The following NUFIP2 variants were observed in gnomAD, a reference collection of about 807,000 sequenced individuals.
NUFIP2 encodes the protein FMR1-interacting protein NUFIP2.
NUFIP2 carries 6 observed loss-of-function variants against 56.9 expected under a neutral mutation model. That is an observed-to-expected ratio of 0.11 (90% CI 0.06 to 0.21). The LOEUF (loss-of-function observed/expected upper bound fraction) is 0.21. NUFIP2 is among the 10% of genes least tolerant of loss of function. NUFIP2 has a pLI of 1.00. For missense variants in NUFIP2, 828 were observed against 826.8 expected (o/e 1.00, Z -0.02); for synonymous variants, 321 against 298.2 (o/e 1.08, Z -0.79).
chr17:29,293,460 C>T (rs2069231104), intron 1 of NUFIP2, among the ~76,000 whole-genome samples: 1 of 152,084 alleles, frequency 6.6e-6, no homozygotes. Flanking sequence ...GAGGTAACTC[C>T]AGGGACGCAG....
chr17:29,272,500 G>T (rs901803675), intron 2 of NUFIP2, among the ~76,000 whole-genome samples: 1 of 152,006 alleles, frequency 6.6e-6, no homozygotes, highest in East Asian at 1.9e-4. Context: ...CTGGCCTCCC[G>T]AAGTGCTGGG....
At chr17:29,270,448 T>A (rs929500227) in intron 2 of NUFIP2, among the ~76,000 whole-genome samples, 1 of 152,080 alleles carries the variant, frequency 6.6e-6, no homozygotes, top group African/African-American at 2.4e-5. Context: ...TTCTTTATTA[T>A]CTTACGAATT....
chr17:29,290,492 TAAAAAA>T (rs1244345686), intron 1 of NUFIP2, among the ~76,000 whole-genome samples: 3 of 148,988 alleles, frequency 2.0e-5, no homozygotes, highest in Admixed American at 2.0e-4. Flanking sequence ...CTATCTCTAC[TAAAAAA>T]AAGAAAAAAA....
rs2069013425 is a variant in NUFIP2 at position 29,263,071 on chromosome 17, T to C, written c.*1468A>G. 6.6e-6 allele frequency: 1 copy of C among 152,626 alleles called. No homozygotes were observed. The highest frequency in any genetic ancestry group is 1.5e-5 in the Non-Finnish European group (1 of 68,036). The allele number at this position is 152,626 out of a possible 1,614,324, so 9.5% of individuals were successfully genotyped here. ...ACTCTTTATATAAATGCCCTGATAT[T>C]TTAACCTGTATTTGACATACATGGA... On this transcript the variant is annotated 3_prime_UTR_variant, in exon 4 of 4. Transcript: ENST00000225388.
intron 2 of NUFIP2, among the ~76,000 whole-genome samples, chr17:29,275,088 G>T (rs775900618): frequency 6.6e-6 from 1 of 151,526 alleles, no homozygotes; most frequent in African/African-American, 2.4e-5. Context: ...GCTCGATCTC[G>T]GCTCACTGCA....
In NUFIP2 at chr17:29,287,275, A is replaced by G. The variant is rs1475091935; in HGVS notation, c.719T>C (p.Val240Ala). Residue 240 changes from valine to alanine, a missense_variant, in exon 2 of 4, where the codon GTG becomes GCG. Val to Ala is a moderately conservative substitution (Grantham distance 64). Coordinates refer to ENST00000225388, the MANE Select transcript of NUFIP2 (RefSeq NM_020772.3). ...CTCTTGTTGCATTATTTTGTCCTGC[A>G]CTATATTAAGGTTTTCACAACCCTT... ...SAKGCENLNI[V>A]QDKIMQQETS... 1 of 1,614,144 alleles carries G rather than the reference A, an allele frequency of 6.2e-7. No homozygotes were observed. The highest frequency in any genetic ancestry group is 8.5e-7 in the Non-Finnish European group (1 of 1,180,024).
chr17:29,265,290 TTTTTA>T (rs1409247567), intron 3 of NUFIP2, among the ~76,000 whole-genome samples: 16 of 141,044 alleles, frequency 1.1e-4, no homozygotes, highest in East Asian at 2.0e-4. Flanking sequence ...TATTTTTATT[TTTTTA>T]TTTTATTTTA....
At position 29,258,828 on chromosome 17, in the gene NUFIP2, C is replaced by T. The variant is rs1457354835; in HGVS notation, c.*5711G>A. 1 of 152,208 alleles carries T rather than the reference C, an allele frequency of 6.6e-6. No individual in the cohort carries two copies. The highest frequency in any genetic ancestry group is 6.5e-5 in the Admixed American group (1 of 15,278). 9.4% of individuals were successfully genotyped at this position (152,208 alleles called of 1,614,324 possible). ...ATATAGTAATGTAAAAAGTGCATCA[C>T]ATTCTTGATTTTCAGTTTCTCATAG... On this transcript the variant is annotated 3_prime_UTR_variant, in exon 4 of 4. Coordinates refer to ENST00000225388, the MANE Select transcript of NUFIP2 (RefSeq NM_020772.3).
At position 29,264,485 on chromosome 17, in the gene NUFIP2, C is replaced by T; in HGVS notation, c.*54G>A. 1.6e-6 allele frequency: 2 copies of T among 1,237,626 alleles called. No homozygotes were observed. 76.7% of individuals were successfully genotyped at this position (1,237,626 alleles called of 1,614,324 possible). A position where few individuals can be genotyped will look rare whatever the true frequency, so the allele number is the denominator to read the frequency against. On this transcript the variant is annotated 3_prime_UTR_variant, in exon 4 of 4. Coordinates refer to ENST00000225388, the MANE Select transcript of NUFIP2 (RefSeq NM_020772.3). ...AGGAGCATAAAAGCCTTGTGTCCCC[C>T]ATGAACGATGGCTCTAATGCTGCAG...
At chr17:29,280,019 T>C (rs2069131017) in intron 2 of NUFIP2, among the ~76,000 whole-genome samples, 1 of 152,184 alleles carries the variant, frequency 6.6e-6, no homozygotes, top group South Asian at 2.1e-4. Context: ...GGTTTCGTCA[T>C]GTTGGCCAGG....
chr17:29,286,030 G>A lies in NUFIP2; in HGVS notation c.1964C>T (p.Ser655Phe). Residue 655 changes from serine to phenylalanine, a missense_variant, in exon 2 of 4, where the codon TCT becomes TTT. By Grantham distance (155) the Ser-to-Phe change is radical (BLOSUM62 -2). Transcript: ENST00000225388. ...TACAATAGCAGCCCTCAGGTCAAAA[G>A]AACCCCAGCTATCATTCCTTTCTAG... is the stretch of plus-strand genomic sequence containing the variant. ...RGLERNDSWGSFDLRAAIVYH... is the reference protein window; with the variant it reads ...RGLERNDSWGFFDLRAAIVYH... The A allele has an allele frequency of 6.2e-7, 1 of 1,613,800 alleles. No homozygotes were observed. The highest frequency in any genetic ancestry group is 1.1e-5 in the South Asian group (1 of 91,076).
At chr17:29,289,821 C>T (rs2069199737) in intron 1 of NUFIP2, among the ~76,000 whole-genome samples, 1 of 152,160 alleles carries the variant, frequency 6.6e-6, no homozygotes, top group South Asian at 2.1e-4. Flanking sequence ...GCATTTTCTT[C>T]TCCTGTATTA....
chr17:29,266,349 T>C (rs767857081), intron 3 of NUFIP2, among the ~76,000 whole-genome samples: 6 of 151,996 alleles, frequency 3.9e-5, no homozygotes, highest in South Asian at 4.1e-4. Context: ...AAGAGCAACA[T>C]TGGGAAATCA....
intron 3 of NUFIP2, among the ~76,000 whole-genome samples, chr17:29,265,275 G>GTTTTTA (rs1364121945): frequency 4.0e-5 from 6 of 149,174 alleles, no homozygotes; most frequent in Admixed American, 6.7e-5. Context: ...GAGGGGAACT[G>GTTTTTA]TTTTTATTTT....
rs923965271 is a variant in NUFIP2, at chr17:29,256,815, T to C, written c.*7724A>G. On this transcript the variant is annotated 3_prime_UTR_variant, in exon 4 of 4. Coordinates refer to ENST00000225388, the MANE Select transcript of NUFIP2 (RefSeq NM_020772.3). ...ATGTACCCAACTCCTAAACTTGTTC[T>C]AATCAGCTTGGGCAATTTTTTAAAA... is the stretch of plus-strand genomic sequence containing the variant. The C allele has an allele frequency of 1.1e-4, 17 of 152,228 alleles. No homozygotes were observed. The highest frequency in any genetic ancestry group is 1.0e-3 in the Admixed American group (16 of 15,284). The allele number at this position is 152,228 out of a possible 1,614,324, so 9.4% of individuals were successfully genotyped here.
At chr17:29,268,642 C>G (rs569112580) in intron 2 of NUFIP2, among the ~76,000 whole-genome samples, 1 of 152,118 alleles carries the variant, frequency 6.6e-6, no homozygotes, top group Non-Finnish European at 1.5e-5. Context: ...CTCAGCCTCC[C>G]GAGTAGCTGG....
intron 2 of NUFIP2, among the ~76,000 whole-genome samples, chr17:29,283,801 T>G (rs1401729972): frequency 6.6e-6 from 1 of 152,222 alleles, no homozygotes; most frequent in Non-Finnish European, 1.5e-5. Flanking sequence ...ATTTATCTTT[T>G]TGCCCTAACA....
intron 1 of NUFIP2, among the ~76,000 whole-genome samples, chr17:29,288,861 TAA>T (rs2069193811): frequency 6.6e-6 from 1 of 152,244 alleles, no homozygotes; most frequent in Non-Finnish European, 1.5e-5. Flanking sequence ...CAGGTTTAAT[TAA>T]AAGTCTTCAA....
In NUFIP2 at chr17:29,260,449, T is replaced by C. The variant is rs1240548373; in HGVS notation, c.*4090A>G. Reference sequence around the variant, plus strand: ...CTAATAATACCTGGAAATTGGACTTTTAATCTATTTCTCTGAAGAGAGCCT... The same window carrying C: ...CTAATAATACCTGGAAATTGGACTTCTAATCTATTTCTCTGAAGAGAGCCT... On this transcript the variant is annotated 3_prime_UTR_variant, in exon 4 of 4. Transcript: ENST00000225388. 2 of 152,260 alleles carry C rather than the reference T, an allele frequency of 1.3e-5. No individual in the cohort carries two copies. The highest frequency in any genetic ancestry group is 4.1e-4 in the South Asian group (2 of 4,836). The allele number at this position is 152,260 out of a possible 1,614,324, so 9.4% of individuals were successfully genotyped here. A position where few individuals can be genotyped will look rare whatever the true frequency, so the allele number is the denominator to read the frequency against.
Sources: allele counts gnomAD v4.1 joint callset (sites outside exome capture counted in the v4.1 genomes callset), GRCh38; gene constraint gnomAD v4.1.1; transcripts MANE v1.5; gene names NCBI Gene and HGNC (gene_info 2026-07-23, HGNC 2026-07-21).